The following HIPK2 variants were observed in gnomAD, a reference collection of about 807,000 sequenced individuals.
HIPK2 encodes the protein homeodomain interacting protein kinase 2.
HIPK2 carries 27 observed loss-of-function variants against 113.7 expected under a neutral mutation model. The ratio of observed to expected loss-of-function variants is 0.24; its 90% CI spans 0.17 to 0.33. The LOEUF is 0.33. HIPK2 is among the 10% of genes least tolerant of loss of function. HIPK2 has a pLI of 1.00. For missense variants in HIPK2, 1,257 were observed against 1,588.0 expected, an observed-to-expected ratio of 0.79 and a Z score of 3.54; for synonymous variants, 631 against 642.2, an observed-to-expected ratio of 0.98 and a Z score of 0.26.
chr7:139,746,068 C>T (rs1796185009), intron 1 of HIPK2, among the ~76,000 whole-genome samples: 1 of 152,194 alleles, frequency 6.6e-6, no homozygotes, highest in Admixed American at 6.5e-5. Flanking sequence ...AAAGGCACAC[C>T]AAGACACCAG....
At position 139,653,817 on chromosome 7, in the gene HIPK2, C is replaced by T. The variant is rs547620002; in HGVS notation, c.1104-22092G>A. ...GCATGATCTCGGCTCACTGCAACCT[C>T]CACCTCCCAGGTTCAAGCGATTCTC... On this transcript the variant is annotated intron_variant, in intron 2 of 14. Coordinates refer to ENST00000406875, the MANE Select transcript of HIPK2 (RefSeq NM_022740.5). Among the ~76,000 whole-genome samples, 48 of 151,918 alleles carry T rather than the reference C, an allele frequency of 3.2e-4. No individual in the cohort carries two copies. The East Asian group carries it at 8.2e-3, about 26-fold the overall frequency.
rs190921278 is a variant in HIPK2 at position 139,631,377 on chromosome 7, T to G, written c.1228-93A>C. 3.4e-3 allele frequency: 4,962 copies of G among 1,465,684 alleles called. 23 individuals carry two copies. Among genetic ancestry groups the G allele is most frequent in the South Asian group, 5.8e-3 (414 of 71,852 alleles). 90.8% of individuals were successfully genotyped at this position (1,465,684 alleles called of 1,614,324 possible). On this transcript the variant is annotated intron_variant, in intron 3 of 14. Coordinates refer to ENST00000406875, the MANE Select transcript of HIPK2 (RefSeq NM_022740.5). This position sits in a 1 kb window ranked among gnomAD's most constrained non-coding sequence, Gnocchi z 4.9. ...CTGCTGGCTTTGAGAAAAATGAAAA[T>G]GACAATTTTTGTAGGGAAAGAAGTT...
chr7:139,701,353 T>C (rs1301563215), intron 2 of HIPK2, among the ~76,000 whole-genome samples: 1 of 152,212 alleles, frequency 6.6e-6, no homozygotes, highest in Non-Finnish European at 1.5e-5. Flanking sequence ...AATGTATTTA[T>C]AGTCTCGGCT....
At chr7:139,734,181 C>T (rs1413035310) in intron 1 of HIPK2, among the ~76,000 whole-genome samples, 2 of 152,226 alleles carry the variant, frequency 1.3e-5, no homozygotes, top group African/African-American at 2.4e-5. Flanking sequence ...AGTTCAGTCC[C>T]TTTCTTCCAT....
chr7:139,649,370 C>G (rs965047818), intron 2 of HIPK2, among the ~76,000 whole-genome samples: 1 of 152,194 alleles, frequency 6.6e-6, no homozygotes, highest in Non-Finnish European at 1.5e-5. Context: ...CCTTCAGTTC[C>G]CAGCCTAAGA....
intron 10 of HIPK2, 111 bp from the exon 11 acceptor site, chr7:139,600,707 A>C: frequency 2.3e-4 from 281 of 1,222,344 alleles, no homozygotes; most frequent in Non-Finnish European, 2.9e-4. Context: ...TGGTTATCTC[A>C]CTAGCTGTGC....
chr7:139,622,025 G>A (rs1800252817), intron 6 of HIPK2, among the ~76,000 whole-genome samples: 1 of 151,706 alleles, frequency 6.6e-6, no homozygotes, highest in Admixed American at 6.6e-5. Flanking sequence ...ATAACTGAAT[G>A]AGTAAAATAA....
At chr7:139,579,213 G>C (rs1282683758) in intron 13 of HIPK2, among the ~76,000 whole-genome samples, 2 of 152,150 alleles carry the variant, frequency 1.3e-5, no homozygotes, top group African/African-American at 4.8e-5. Flanking sequence ...GTGTTCAAAG[G>C]ACGAATCAGG....
chr7:139,594,662 C>T (rs2116635490), intron 12 of HIPK2, among the ~76,000 whole-genome samples: 1 of 152,294 alleles, frequency 6.6e-6, no homozygotes, highest in Middle Eastern at 3.4e-3. Flanking sequence ...AGCTCCCAGT[C>T]ACAACTGTGG....
intron 1 of HIPK2, among the ~76,000 whole-genome samples, chr7:139,718,368 G>T (rs1585416716): frequency 6.6e-6 from 1 of 152,150 alleles, no homozygotes; most frequent in Non-Finnish European, 1.5e-5. Context: ...ACCTAGAGTG[G>T]TAATCCTTTC....
Position 139,729,806 on chromosome 7 carries a change from T to C in HIPK2, c.20-12791A>G, listed in dbSNP as rs568886497. Among the ~76,000 whole-genome samples the C allele has an allele frequency of 2.6e-5, 4 of 152,312 alleles. No homozygotes were observed. The South Asian group carries it at 8.3e-4, about 32-fold the overall frequency. ...AAGGCTGCTTACCTTGTCCCTGAAA[T>C]GTTCTAAATAAGGACGGTTAAAGTT... is the stretch of plus-strand genomic sequence containing the variant. On this transcript the variant is annotated intron_variant, in intron 1 of 14. Coordinates refer to ENST00000406875, the MANE Select transcript of HIPK2 (RefSeq NM_022740.5).
chr7:139,715,669 T>G lies in HIPK2; in HGVS notation c.1103+263A>C, dbSNP rs142948691. Among the ~76,000 whole-genome samples, 341 of 152,324 alleles carry G rather than the reference T, an allele frequency of 2.2e-3. 4 individuals carry two copies. Among genetic ancestry groups the G allele is most frequent in the African/African-American group, 7.8e-3 (323 of 41,578 alleles). ...TCCTACCCATCCGGGAGGACGGAAC[T>G]CTTCTGCTCTGCACCCCAGGTCCCA... On this transcript the variant is annotated intron_variant, in intron 2 of 14. Transcript: ENST00000406875.
intron 1 of HIPK2, among the ~76,000 whole-genome samples, chr7:139,760,995 A>G (rs1796453141): frequency 6.6e-6 from 1 of 152,252 alleles, no homozygotes; most frequent in Non-Finnish European, 1.5e-5. Flanking sequence ...CAAAAGAGTA[A>G]TGATTAGAAC....
chr7:139,708,635 C>T (rs1346971873), intron 2 of HIPK2, among the ~76,000 whole-genome samples: 1 of 152,220 alleles, frequency 6.6e-6, no homozygotes, highest in Admixed American at 6.5e-5. Context: ...GTTTCCAGGG[C>T]GTGAACACTG....
At chr7:139,711,222 T>C (rs920474117) in intron 2 of HIPK2, among the ~76,000 whole-genome samples, 1 of 151,768 alleles carries the variant, frequency 6.6e-6, no homozygotes, top group African/African-American at 2.4e-5. Flanking sequence ...GGTCAGGAGA[T>C]TGAGATCATC....
rs1798344059 is a variant in HIPK2, at chr7:139,572,902, T to TCCCTCCCTCCCTC, written c.*12_*24dup. The TCCCTCCCTCCCTC allele has an allele frequency of 3.3e-6, 1 of 301,394 alleles. No individual in the cohort carries two copies. Among genetic ancestry groups the TCCCTCCCTCCCTC allele is most frequent in the Admixed American group, 4.5e-5 (1 of 22,088 alleles). The allele number at this position is 301,394 out of a possible 1,614,324, so 18.7% of individuals were successfully genotyped here. The stretch of plus-strand genomic sequence containing the variant: ...TCCCTCGGGCCATTCTCTCCCTCCC[T>TCCCTCCCTCCCTC]CCCTCCCTCCCTCCCCTCCAGTGTT... On this transcript the variant is annotated 3_prime_UTR_variant, in exon 15 of 15. Coordinates refer to ENST00000406875, the MANE Select transcript of HIPK2 (RefSeq NM_022740.5).
intron 2 of HIPK2, among the ~76,000 whole-genome samples, chr7:139,689,560 T>C (rs908152445): frequency 2.6e-5 from 4 of 152,092 alleles, no homozygotes; most frequent in Admixed American, 2.6e-4. Flanking sequence ...AGTTACCTTA[T>C]GTCTGTTGAT....
intron 2 of HIPK2, among the ~76,000 whole-genome samples, chr7:139,674,763 T>C (rs1421492938): frequency 6.6e-6 from 1 of 152,238 alleles, no homozygotes; most frequent in Non-Finnish European, 1.5e-5. Context: ...GTTTAGGTCA[T>C]TAATGAATAT....
rs1798206411 is a variant in HIPK2, at chr7:139,569,829, G to A, written c.*3098C>T. On this transcript the variant is annotated 3_prime_UTR_variant, in exon 15 of 15. Transcript: ENST00000406875. ...AGAGAGAATAAGTTTAAATATTAAA[G>A]AGAAAACACAAAGATACTTGGAATA... is the stretch of plus-strand genomic sequence containing the variant. 1.3e-5 allele frequency: 2 copies of A among 151,554 alleles called. No homozygotes were observed. Among genetic ancestry groups the A allele is most frequent in the South Asian group, 4.2e-4 (2 of 4,788 alleles). 9.4% of individuals were successfully genotyped at this position (151,554 alleles called of 1,614,324 possible). A position where few individuals can be genotyped will look rare whatever the true frequency, so the allele number is the denominator to read the frequency against.
Sources: allele counts gnomAD v4.1 joint callset (sites outside exome capture counted in the v4.1 genomes callset), GRCh38; gene constraint gnomAD v4.1.1; non-coding constraint Gnocchi (gnomAD v3.1); transcripts MANE v1.5; gene names NCBI Gene and HGNC (gene_info 2026-07-23, HGNC 2026-07-21).